The following GLIS3 variants were observed in gnomAD, a reference collection of about 807,000 sequenced individuals.
GLIS3 encodes GLIS family zinc finger 3.
GLIS3 carries 53 observed loss-of-function variants against 78.6 expected under a neutral mutation model. The observed-to-expected ratio is 0.67, with a 90% CI of 0.54 to 0.85. GLIS3 has a LOEUF of 0.85. Among genes scored for constraint, GLIS3 ranks in the 40% least tolerant of loss-of-function variants. GLIS3 has a pLI of 0.00. For missense variants in GLIS3, 1,703 were observed against 1,231.1 expected, an observed-to-expected ratio of 1.38 and a Z score of -5.74; for synonymous variants, 684 against 509.9, an observed-to-expected ratio of 1.34 and a Z score of -4.60.
At chr9:4,175,234 C>A (rs1259868527) in intron 2 of GLIS3, among the ~76,000 whole-genome samples, 1 of 152,256 alleles carries the variant, frequency 6.6e-6, no homozygotes, top group South Asian at 2.1e-4. Context: ...AGCAAATGCA[C>A]TGAAGGTAAT....
chr9:4,184,959 A>T (rs1447652896), intron 2 of GLIS3, among the ~76,000 whole-genome samples: 1 of 152,202 alleles, frequency 6.6e-6, no homozygotes, highest in Non-Finnish European at 1.5e-5. Flanking sequence ...GAAAAACAAC[A>T]AATTTATTGA....
intron 1 of GLIS3, among the ~76,000 whole-genome samples, chr9:4,297,000 C>A (rs996292680): frequency 6.6e-6 from 1 of 150,442 alleles, no homozygotes; most frequent in Non-Finnish European, 1.5e-5. Context: ...GTGGCGGATT[C>A]TTTTTCTGCA....
At chr9:4,072,579 G>T (rs1827704853) in intron 4 of GLIS3, among the ~76,000 whole-genome samples, 1 of 152,068 alleles carries the variant, frequency 6.6e-6, no homozygotes, top group Non-Finnish European at 1.5e-5. Context: ...ATCAGGATTT[G>T]ATTCCCATGT....
At chr9:4,306,452 A>C (rs1817230756) in intron 4 of GLIS3, among the ~76,000 whole-genome samples, 1 of 152,230 alleles carries the variant, frequency 6.6e-6, no homozygotes, top group African/African-American at 2.4e-5. Flanking sequence ...AGAGTAGTTT[A>C]TCCATTTGGT....
rs538625617 is a variant in GLIS3 at position 4,169,986 on chromosome 9, C to A, written c.389-44045G>T. Among the ~76,000 whole-genome samples, 9 of 152,128 alleles carry A rather than the reference C, an allele frequency of 5.9e-5. 1 individual carries two copies. The highest frequency in any genetic ancestry group is 2.9e-5 in the Non-Finnish European group (2 of 68,024). The stretch of plus-strand genomic sequence containing the variant: ...CTCACATCAAAATGAAAAAGGGATA[C>A]GCCAGAGAATTATTTAAAACCTGGC... On this transcript the variant is annotated intron_variant, in intron 2 of 10. Coordinates refer to ENST00000381971, the MANE Select transcript of GLIS3 (RefSeq NM_001042413.2).
chr9:4,329,284 A>C (rs1369304521), intron 2 of GLIS3, among the ~76,000 whole-genome samples: 1 of 152,224 alleles, frequency 6.6e-6, no homozygotes, highest in East Asian at 1.9e-4. Context: ...GTGTGTGTGC[A>C]GTGCCATTTT....
At chr9:3,894,656 A>G (rs1331117266) in intron 7 of GLIS3, among the ~76,000 whole-genome samples, 1 of 152,154 alleles carries the variant, frequency 6.6e-6, no homozygotes, top group Non-Finnish European at 1.5e-5. Flanking sequence ...ACTTCAAATA[A>G]TCCTGCTCCA....
intron 4 of GLIS3, among the ~76,000 whole-genome samples, chr9:4,014,908 C>T (rs1185766997): frequency 6.6e-6 from 1 of 152,206 alleles, no homozygotes; most frequent in Non-Finnish European, 1.5e-5. Context: ...TTTCGACATT[C>T]ACTGAGCTCT....
intron 2 of GLIS3, among the ~76,000 whole-genome samples, chr9:4,182,423 A>G (rs1377133120): frequency 1.3e-5 from 2 of 152,204 alleles, no homozygotes; most frequent in Non-Finnish European, 2.9e-5. Context: ...TAGGGTAATA[A>G]ATTATGGAAC....
intron 2 of GLIS3, among the ~76,000 whole-genome samples, chr9:4,132,022 G>C (rs1833012675): frequency 6.8e-6 from 1 of 147,310 alleles, no homozygotes; most frequent in Non-Finnish European, 1.5e-5. Context: ...TATTCTTTCT[G>C]CTTTAAGTCT....
the GLIS3 span, among the ~76,000 whole-genome samples, chr9:4,413,115 A>C: frequency 2.0e-5 from 3 of 152,250 alleles, no homozygotes; most frequent in South Asian, 6.2e-4. Context: ...TTGGCTTATT[A>C]AAGGCAGGTA....
At chr9:3,898,030 C>T (rs1013103333) in intron 7 of GLIS3, among the ~76,000 whole-genome samples, 3 of 152,134 alleles carry the variant, frequency 2.0e-5, no homozygotes, top group Admixed American at 1.3e-4. Flanking sequence ...AGTATATCAC[C>T]ATTACAGAGA....
chr9:4,316,322 C>T (rs1817436270), intron 2 of GLIS3, among the ~76,000 whole-genome samples: 1 of 152,230 alleles, frequency 6.6e-6, no homozygotes, highest in Non-Finnish European at 1.5e-5. Context: ...ACTTGTTTTG[C>T]ATTTAAAATA....
At chr9:4,353,150 T>G (rs1051416792), upstream of GLIS3, among the ~76,000 whole-genome samples, 1 of 152,152 alleles carries the variant, frequency 6.6e-6, no homozygotes, top group Non-Finnish European at 1.5e-5. Context: ...GCTCTGAGAC[T>G]CTGAGAAGTT....
At chr9:4,291,061 T>C (rs756952872) in intron 1 of GLIS3, among the ~76,000 whole-genome samples, 2 of 152,214 alleles carry the variant, frequency 1.3e-5, no homozygotes, top group South Asian at 2.1e-4. Flanking sequence ...TCCTCATTAT[T>C]GAAATGTGGA....
the GLIS3 span, among the ~76,000 whole-genome samples, chr9:4,486,365 C>A: frequency 6.6e-6 from 1 of 152,154 alleles, no homozygotes; most frequent in East Asian, 1.9e-4. Context: ...AATGTAACCA[C>A]ACCTGAACAC....
chr9:4,086,248 C>G (rs1235007793), intron 4 of GLIS3, among the ~76,000 whole-genome samples: 2 of 152,212 alleles, frequency 1.3e-5, no homozygotes, highest in African/African-American at 4.8e-5. Context: ...GTGAAATCCT[C>G]ATCCCCCAAG....
At chr9:4,388,802 C>G in the GLIS3 span, among the ~76,000 whole-genome samples, 6 of 152,076 alleles carry the variant, frequency 3.9e-5, no homozygotes, top group Admixed American at 6.6e-5. Flanking sequence ...AAGAATAAAG[C>G]AGGAAAAGTA....
intron 2 of GLIS3, among the ~76,000 whole-genome samples, chr9:4,245,376 C>T (rs1823710652): frequency 6.6e-6 from 1 of 152,126 alleles, no homozygotes; most frequent in African/African-American, 2.4e-5. Context: ...AATTCGGGTG[C>T]GAACTCATCA....
Sources: gnomAD v4.1 joint callset for allele counts (sites outside exome capture counted in the v4.1 genomes callset) on GRCh38, gnomAD v4.1.1 for gene constraint, MANE v1.5 for transcripts, NCBI Gene and HGNC (gene_info 2026-07-23, HGNC 2026-07-21) for gene names.